The following CAST variants were observed in gnomAD, a reference collection of about 807,000 sequenced individuals.
CAST encodes MIR583 host.
In CAST, 76 loss-of-function variants were observed where a neutral mutation model predicts 119.6. That is an observed-to-expected ratio of 0.64 (90% CI 0.53 to 0.77). The LOEUF is 0.77. CAST is among the 30% of genes least tolerant of loss of function. The probability of loss-of-function intolerance (pLI) is 0.00; values close to 1 mark genes in which losing one functional copy is unlikely to be tolerated. For missense variants in CAST, 953 were observed against 946.5 expected (o/e 1.01, Z -0.09); for synonymous variants, 319 against 331.6 (o/e 0.96, Z 0.41).
At chr5:96,518,004 A>C in the CAST span, among the ~76,000 whole-genome samples, 1 of 152,272 alleles carries the variant, frequency 6.6e-6, no homozygotes, top group Non-Finnish European at 1.5e-5. Flanking sequence ...TAGAGAAGTT[A>C]ATCACCTTGC....
intron 1 of CAST, chr5:96,663,264 G>C: frequency 1.4e-6 from 1 of 701,162 alleles, no homozygotes; most frequent in South Asian, 1.5e-5. Context: ...ATGAAGCGTT[G>C]TCCGGGGTTT....
the CAST span, among the ~76,000 whole-genome samples, chr5:96,471,011 A>G: frequency 5.3e-5 from 8 of 152,136 alleles, no homozygotes; most frequent in Non-Finnish European, 1.0e-4. Context: ...CTTTGAGGTC[A>G]TGGAGATAGG....
the CAST span, among the ~76,000 whole-genome samples, chr5:95,967,448 A>ATAAATAAG: frequency 1.1e-3 from 162 of 152,088 alleles, 1 homozygote; most frequent in African/African-American, 3.6e-3. Flanking sequence ...AAATAAATAA[A>ATAAATAAG]TAAGTAAATT....
the CAST span, chr5:96,416,066 C>T: frequency 1.3e-5 from 21 of 1,612,928 alleles, no homozygotes; most frequent in Non-Finnish European, 1.5e-5. Context: ...ACTCCAACCC[C>T]GCATTTGTGA....
chr5:96,137,932 GT>G, the CAST span, among the ~76,000 whole-genome samples: 4 of 151,770 alleles, frequency 2.6e-5, no homozygotes, highest in Admixed American at 6.6e-5. Context: ...TCTCCCAGTA[GT>G]GGCTTGTCTT....
At chr5:96,512,596 T>C in the CAST span, among the ~76,000 whole-genome samples, 1 of 152,212 alleles carries the variant, frequency 6.6e-6, no homozygotes, top group Non-Finnish European at 1.5e-5. Flanking sequence ...AGTTAACTAA[T>C]GAAAAACCAT....
chr5:96,170,291 C>A, the CAST span, among the ~76,000 whole-genome samples: 1 of 152,160 alleles, frequency 6.6e-6, no homozygotes, highest in African/African-American at 2.4e-5. Flanking sequence ...GGAGGAATCC[C>A]GGGCTGCCGG....
the CAST span, among the ~76,000 whole-genome samples, chr5:96,224,445 G>A: frequency 6.6e-6 from 1 of 152,062 alleles, no homozygotes; most frequent in African/African-American, 2.4e-5. Flanking sequence ...TGTTGATCTG[G>A]GTGGGCCCTA....
the CAST span, among the ~76,000 whole-genome samples, chr5:96,430,753 C>A: frequency 6.6e-6 from 1 of 151,940 alleles, no homozygotes; most frequent in Non-Finnish European, 1.5e-5. Context: ...TTAGTAATGC[C>A]ATCTTAACTA....
Position 96,695,893 on chromosome 5 carries a change from G to A in CAST, c.196G>A (p.Ala66Thr), listed in dbSNP as rs765692763. Residue 66 changes from alanine (A) to threonine (T), a missense_variant, in exon 3 of 32, where the codon GCC (alanine) becomes ACC (threonine). Transcript: ENST00000675179. ...CTCCAGAACCTATGCTGGTGGAACA[G>A]CCTCGGCCACCAAGGTCAGTGATTT... ...QSSRTYAGGT[A>T]SATKVSASSG... is the part of the protein sequence containing the mutation. 6 of 1,612,400 alleles carry A rather than the reference G, an allele frequency of 3.7e-6. No homozygotes were observed. The African/African-American group carries it at 8.0e-5, about 22-fold the overall frequency.
the CAST span, among the ~76,000 whole-genome samples, chr5:95,978,180 G>C: frequency 6.6e-6 from 1 of 152,104 alleles, no homozygotes; most frequent in Non-Finnish European, 1.5e-5. Context: ...GGGATTGCTG[G>C]GTTGACCGGT....
chr5:96,529,784 C>T (rs1324284515), upstream of CAST: 1 of 438,378 alleles, frequency 2.3e-6, no homozygotes. Flanking sequence ...GGGGCTTCCC[C>T]TTTGCTGGGC....
chr5:96,365,243 A>T, the CAST span, among the ~76,000 whole-genome samples: 7 of 152,220 alleles, frequency 4.6e-5, no homozygotes, highest in Admixed American at 4.6e-4. Flanking sequence ...TTTACTTCCA[A>T]CTATGTGGTC....
At chr5:96,266,443 T>G in the CAST span, among the ~76,000 whole-genome samples, 1 of 152,160 alleles carries the variant, frequency 6.6e-6, no homozygotes, top group African/African-American at 2.4e-5. Context: ...AGGGGGGCAC[T>G]AGTAACCCCA....
At chr5:96,191,915 A>G in the CAST span, among the ~76,000 whole-genome samples, 1 of 152,222 alleles carries the variant, frequency 6.6e-6, no homozygotes, top group East Asian at 1.9e-4. Context: ...AGAAGAGTCA[A>G]AAAACAAATA....
At chr5:96,767,831 G>A (rs192506347) in intron 28 of CAST, 76 bp from the exon 29 acceptor site, 2 of 813,466 alleles carry the variant, frequency 2.5e-6, no homozygotes, top group African/African-American at 1.7e-5. Flanking sequence ...TTATTTGTAA[G>A]TGATGTGGGA....
the CAST span, among the ~76,000 whole-genome samples, chr5:96,365,589 T>C: frequency 6.6e-6 from 1 of 152,230 alleles, no homozygotes; most frequent in Non-Finnish European, 1.5e-5. Context: ...TGGCCTTCTT[T>C]GTCTCTTTTG....
the CAST span, among the ~76,000 whole-genome samples, chr5:96,448,567 T>C: frequency 2.6e-5 from 4 of 151,902 alleles, no homozygotes; most frequent in Admixed American, 6.6e-5. Flanking sequence ...TCTGCTGCTT[T>C]CTGCCTTTTC....
chr5:96,095,555 T>TAA, the CAST span, among the ~76,000 whole-genome samples: 1 of 53,618 alleles, frequency 1.9e-5, no homozygotes, highest in Non-Finnish European at 3.4e-5. Flanking sequence ...AGACTCTGTT[T>TAA]CAAAAAAAAA....
Sources: allele counts gnomAD v4.1 joint callset (sites outside exome capture counted in the v4.1 genomes callset), GRCh38; gene constraint gnomAD v4.1.1; transcripts MANE v1.5; gene names NCBI Gene and HGNC (gene_info 2026-07-23, HGNC 2026-07-21).